The following CCDC38 variants were observed in gnomAD, a reference collection of about 807,000 sequenced individuals.
CCDC38 encodes the protein coiled-coil domain containing 38, also known as coiled-coil domain-containing protein 38.
A neutral mutation model predicts 72.8 loss-of-function variants in CCDC38; 69 were observed. The ratio of observed to expected loss-of-function variants is 0.95; its 90% CI spans 0.78 to 1.16. The LOEUF (loss-of-function observed/expected upper bound fraction) is 1.16, where lower values mean the gene tolerates loss of function less well. CCDC38 is among the 50% of genes most tolerant of loss of function. The pLI, the probability that CCDC38 is intolerant of heterozygous loss-of-function variation, is 0.00. For synonymous variants in CCDC38, 201 were observed against 213.2 expected (o/e 0.94, Z 0.50); for missense variants, 626 against 638.9 (o/e 0.98, Z 0.22).
chr12:95,930,923 A>T (rs1413578420), intron 2 of CCDC38, among the ~76,000 whole-genome samples: 2 of 152,140 alleles, frequency 1.3e-5, no homozygotes, highest in Non-Finnish European at 2.9e-5. Flanking sequence ...TCCTTTTGTT[A>T]CTATTATATT....
At chr12:95,886,058 A>AAAAC (rs57668034) in intron 10 of CCDC38, among the ~76,000 whole-genome samples, 63,087 of 151,470 alleles carry the variant, frequency 0.42, 13,239 homozygotes, top group Non-Finnish European at 0.45. Flanking sequence ...GCCTATACTA[A>AAAAC]AAACAAACAA....
chr12:95,896,055 CAA>C (rs1169899419), intron 7 of CCDC38, among the ~76,000 whole-genome samples: 81 of 73,016 alleles, frequency 1.1e-3, no homozygotes, highest in Admixed American at 6.4e-3. Flanking sequence ...GACTCTGTCT[CAA>C]AAAAAAAAAA....
intron 1 of CCDC38, among the ~76,000 whole-genome samples, chr12:95,940,271 T>TG (rs2080434776): frequency 6.6e-6 from 1 of 152,112 alleles, no homozygotes; most frequent in African/African-American, 2.4e-5. Flanking sequence ...AGTGCAAATC[T>TG]GGGGGACCTG....
At chr12:95,887,091 A>T (rs575275314) in intron 10 of CCDC38, among the ~76,000 whole-genome samples, 3 of 148,818 alleles carry the variant, frequency 2.0e-5, no homozygotes, top group Non-Finnish European at 4.4e-5. Context: ...AAGCTGAGAC[A>T]AGAGAATTGC....
intron 4 of CCDC38, among the ~76,000 whole-genome samples, chr12:95,906,938 G>A (rs1592782538): frequency 6.6e-6 from 1 of 150,798 alleles, no homozygotes. Flanking sequence ...GTGAACAAAG[G>A]TCTCTGGTTT....
intron 4 of CCDC38, among the ~76,000 whole-genome samples, chr12:95,910,986 A>G (rs965533567): frequency 3.9e-5 from 6 of 152,250 alleles, no homozygotes; most frequent in Admixed American, 3.9e-4. Flanking sequence ...ACCTGATTTC[A>G]AACTATACTA....
chr12:95,895,266 G>A (rs1169840201), intron 7 of CCDC38, 120 bp from the exon 8 acceptor site: 2 of 586,848 alleles, frequency 3.4e-6, no homozygotes, highest in South Asian at 3.5e-5. Context: ...TTATCAAAAA[G>A]GATAAATATG....
chr12:95,895,873 T>C (rs2079882485), intron 7 of CCDC38, among the ~76,000 whole-genome samples: 2 of 148,906 alleles, frequency 1.3e-5, no homozygotes. Context: ...TTGGCCAACA[T>C]GGTGAAACCC....
In CCDC38 at chr12:95,939,762, G is replaced by A. The variant is rs140164257; in HGVS notation, c.-15+2669C>T. 3.3e-5 allele frequency among the ~76,000 whole-genome samples: 5 copies of A among 152,302 alleles called. No individual in the cohort carries two copies. In the South Asian group the frequency reaches 6.2e-4, roughly 19 times the overall value. On this transcript the variant is annotated intron_variant, in intron 1 of 15. Coordinates refer to ENST00000344280, the MANE Select transcript of CCDC38 (RefSeq NM_182496.3). ...TACTGTTCTTTCAAGTGAACCCCAT[G>A]CTGGTTGATTTAATTAATTGTTGTG... is the stretch of plus-strand genomic sequence containing the variant.
intron 2 of CCDC38, among the ~76,000 whole-genome samples, chr12:95,928,464 CTTCT>C: frequency 6.6e-6 from 1 of 152,320 alleles, no homozygotes; most frequent in Admixed American, 6.5e-5. Flanking sequence ...AAGTTTTCAA[CTTCT>C]TTGCCTTTGG....
chr12:95,896,055 C>CAAAAAAA (rs1169899419), intron 7 of CCDC38, among the ~76,000 whole-genome samples: 5 of 73,038 alleles, frequency 6.8e-5, no homozygotes, highest in Admixed American at 1.6e-4. Flanking sequence ...GACTCTGTCT[C>CAAAAAAA]AAAAAAAAAA....
chr12:95,905,654 T>G (rs1260700695), intron 5 of CCDC38, among the ~76,000 whole-genome samples: 1 of 152,256 alleles, frequency 6.6e-6, no homozygotes, highest in Admixed American at 6.5e-5. Flanking sequence ...TCAAAGAGTT[T>G]AATTGAGACA....
intron 14 of CCDC38, 95 bp from the exon 15 acceptor site, chr12:95,869,668 A>T: frequency 1.2e-6 from 1 of 846,744 alleles, no homozygotes; most frequent in Non-Finnish European, 1.9e-6. Flanking sequence ...TGACTAGAAG[A>T]CCTCCTTTAA....
At chr12:95,895,818 G>A (rs1007026941) in intron 7 of CCDC38, among the ~76,000 whole-genome samples, 16 of 150,404 alleles carry the variant, frequency 1.1e-4, no homozygotes, top group African/African-American at 3.9e-4. Context: ...AGGACTTTGG[G>A]AGGCCAAGGA....
chr12:95,870,825 A>G (rs1036975894), intron 14 of CCDC38, among the ~76,000 whole-genome samples: 1 of 152,220 alleles, frequency 6.6e-6, no homozygotes, highest in East Asian at 1.9e-4. Context: ...GTAGTAGGCA[A>G]TAACAAAATA....
At chr12:95,939,505 G>A (rs12316774) in intron 1 of CCDC38, among the ~76,000 whole-genome samples, 7,774 of 152,220 alleles carry the variant, frequency 0.051, 657 homozygotes, top group African/African-American at 0.18. Context: ...TGGAAGTGGT[G>A]AGAGGTGGTC....
At chr12:95,916,734 C>T (rs2080148818) in intron 4 of CCDC38, among the ~76,000 whole-genome samples, 1 of 152,080 alleles carries the variant, frequency 6.6e-6, no homozygotes, top group Non-Finnish European at 1.5e-5. Context: ...ATTTTATTAG[C>T]TTCCTCATTC....
At chr12:95,897,954 T>A (rs1272083866) in intron 7 of CCDC38, among the ~76,000 whole-genome samples, 2 of 152,052 alleles carry the variant, frequency 1.3e-5, no homozygotes, top group Non-Finnish European at 1.5e-5. Context: ...ATACTGCCCA[T>A]GATGACTGTA....
At chr12:95,936,406 C>T (rs529860747) in intron 2 of CCDC38, 67 bp downstream of exon 2, 10 of 1,428,488 alleles carry the variant, frequency 7.0e-6, no homozygotes, top group Non-Finnish European at 9.7e-6. Flanking sequence ...TTCTTATGCT[C>T]ACAATCTGTT....
Sources: allele counts gnomAD v4.1 joint callset (sites outside exome capture counted in the v4.1 genomes callset), GRCh38; gene constraint gnomAD v4.1.1; transcripts MANE v1.5; gene names NCBI Gene and HGNC (gene_info 2026-07-23, HGNC 2026-07-21).